Variants in IL1RL2 observed in about 807,000 individuals in gnomAD.
IL1RL2 encodes interleukin 1 receptor like 2, also known as interleukin-1 receptor-like 2.
A neutral mutation model predicts 66.8 loss-of-function variants in IL1RL2; 68 were observed. That is an observed-to-expected ratio of 1.02 (90% CI 0.84 to 1.25). The LOEUF (loss-of-function observed/expected upper bound fraction) is 1.25, where lower values mean the gene tolerates loss of function less well. Among genes scored for constraint, IL1RL2 ranks in the 50% most tolerant of loss-of-function variants. The pLI, the probability that IL1RL2 is intolerant of heterozygous loss-of-function variation, is 0.00. For missense variants in IL1RL2, 729 were observed against 709.3 expected (o/e 1.03, Z -0.32); for synonymous variants, 305 against 264.6 (o/e 1.15, Z -1.48).
chr2:102,235,503 C>T, intron 11 of IL1RL2: 1 of 985,452 alleles, frequency 1.0e-6, no homozygotes, highest in Non-Finnish European at 1.2e-6. Flanking sequence ...CCTCTTTAGC[C>T]TATGGGCTTA....
At chr2:102,215,784 G>T (rs1159251892) in intron 6 of IL1RL2, among the ~76,000 whole-genome samples, 1 of 152,094 alleles carries the variant, frequency 6.6e-6, no homozygotes, top group Non-Finnish European at 1.5e-5. Context: ...TGAAGAAACT[G>T]CATGAAGACT....
chr2:102,187,816 C>A, intron 1 of IL1RL2, 40 bp from the exon 2 acceptor site: 16 of 1,490,630 alleles, frequency 1.1e-5, no homozygotes, highest in Non-Finnish European at 1.5e-5. Context: ...GCCCGCCCTA[C>A]TGCGTCCTCC....
intron 4 of IL1RL2, among the ~76,000 whole-genome samples, chr2:102,196,019 GC>G (rs1401689671): frequency 6.6e-5 from 10 of 152,024 alleles, no homozygotes; most frequent in African/African-American, 2.4e-4. Flanking sequence ...GGGCCCTTAT[GC>G]TTGTTAATTA....
intron 4 of IL1RL2, among the ~76,000 whole-genome samples, chr2:102,193,901 G>A (rs565211341): frequency 6.6e-6 from 1 of 151,806 alleles, no homozygotes; most frequent in South Asian, 2.1e-4. Context: ...GTGACTTATA[G>A]GAGATTTTAT....
chr2:102,209,256 G>A (rs1688954238), intron 5 of IL1RL2, among the ~76,000 whole-genome samples: 10 of 152,182 alleles, frequency 6.6e-5, no homozygotes, highest in Admixed American at 6.5e-4. Flanking sequence ...GTCAGACATG[G>A]TGATGGTGAA....
At chr2:102,230,272 T>A (rs11123914) in intron 9 of IL1RL2, among the ~76,000 whole-genome samples, 1 of 152,298 alleles carries the variant, frequency 6.6e-6, no homozygotes, top group African/African-American at 2.4e-5. Flanking sequence ...TTTCTATCTA[T>A]GGAAAAAAAA....
At chr2:102,207,000 A>G (rs753116862) in intron 5 of IL1RL2, among the ~76,000 whole-genome samples, 1 of 152,318 alleles carries the variant, frequency 6.6e-6, no homozygotes, top group African/African-American at 2.4e-5. Context: ...CCAAAGGCAG[A>G]GGAGCCTCAG....
chr2:102,212,162 GA>G lies in IL1RL2; in HGVS notation c.714del (p.Val239TyrfsTer7). ...CATTTATCCAAAAAATCATTCAATTGAAGTACAGCTTGGTGAGTAAAATTAT... is the reference window on the plus strand; with the variant it reads ...CATTTATCCAAAAAATCATTCAATTGAGTACAGCTTGGTGAGTAAAATTAT... The part of the protein sequence containing the change: ...KIIYPKNHSI[E>X]VQLGTTLIVD... On this transcript the variant is annotated frameshift_variant, in exon 6 of 12. Coordinates refer to ENST00000264257, the MANE Select transcript of IL1RL2 (RefSeq NM_003854.4). LOFTEE classifies it high-confidence loss of function. The G allele has an allele frequency of 6.2e-7, 1 of 1,610,470 alleles. No individual in the cohort carries two copies. Among genetic ancestry groups the G allele is most frequent in the Non-Finnish European group, 8.5e-7 (1 of 1,176,798 alleles).
intron 9 of IL1RL2, among the ~76,000 whole-genome samples, chr2:102,228,481 T>A (rs1224204656): frequency 6.6e-6 from 1 of 152,240 alleles, no homozygotes; most frequent in East Asian, 1.9e-4. Flanking sequence ...CAGCAAGTTC[T>A]GTATCTTCTC....
chr2:102,223,214 T>C (rs987727845), intron 8 of IL1RL2, among the ~76,000 whole-genome samples: 1 of 152,214 alleles, frequency 6.6e-6, no homozygotes, highest in Admixed American at 6.5e-5. Context: ...TCCTAGGAAC[T>C]TCACCCTTTT....
intron 5 of IL1RL2, among the ~76,000 whole-genome samples, chr2:102,202,863 C>T (rs1688385532): frequency 2.0e-5 from 3 of 152,102 alleles, no homozygotes; most frequent in African/African-American, 7.2e-5. Context: ...AATTTGGATG[C>T]CGTTTATATC....
Position 102,235,191 on chromosome 2 carries a change from C to T in IL1RL2, c.1592C>T (p.Thr531Ile). 1 of 1,614,200 alleles carries T rather than the reference C, an allele frequency of 6.2e-7. No individual in the cohort carries two copies. Among genetic ancestry groups the T allele is most frequent in the Non-Finnish European group, 8.5e-7 (1 of 1,180,042 alleles). ...TGTATGAAGACCAAGTTTTGGAAGA[C>T]AGTGAGATACCACATGCCGCCCAGA... The part of the protein sequence containing the change: ...SQCMKTKFWK[T>I]VRYHMPPRRC... The change falls in exon 11 of 12, where the codon ACA (threonine) becomes ATA (isoleucine). Residue 531 changes from threonine to isoleucine, a missense_variant. Coordinates refer to ENST00000264257, the MANE Select transcript of IL1RL2 (RefSeq NM_003854.4).
intron 8 of IL1RL2, among the ~76,000 whole-genome samples, chr2:102,223,331 T>G (rs572208515): frequency 6.6e-6 from 1 of 152,302 alleles, no homozygotes; most frequent in East Asian, 1.9e-4. Context: ...GAATCTTATT[T>G]GGTTTTTCTG....
At chr2:102,216,177 T>A (rs761172972) in intron 6 of IL1RL2, among the ~76,000 whole-genome samples, 3 of 152,146 alleles carry the variant, frequency 2.0e-5, no homozygotes, top group Non-Finnish European at 4.4e-5. Context: ...AATAAGAAAT[T>A]CAACAGATAG....
intron 5 of IL1RL2, among the ~76,000 whole-genome samples, chr2:102,209,189 T>G (rs1471166544): frequency 6.6e-6 from 1 of 152,224 alleles, no homozygotes; most frequent in Non-Finnish European, 1.5e-5. Context: ...ATGCCAGTAT[T>G]ATGGAAGGTC....
chr2:102,191,990 C>A lies in IL1RL2; in HGVS notation c.359C>A (p.Thr120Asn). ...GTTTTTGAAAAACATTGGTGTGACACTTCCATAGGTGGTTTACCAAATTTA... is the reference window on the plus strand; with the variant it reads ...GTTTTTGAAAAACATTGGTGTGACAATTCCATAGGTGGTTTACCAAATTTA... ...LTVFEKHWCD[T>N]SIGGLPNLSD... Residue 120 changes from threonine (T) to asparagine (N), a missense_variant, in exon 4 of 12, where the codon ACT becomes AAT. Physicochemically the swap from Thr to Asn is moderately conservative, Grantham distance 65. Coordinates refer to ENST00000264257, the MANE Select transcript of IL1RL2 (RefSeq NM_003854.4). 6.2e-7 allele frequency: 1 copy of A among 1,612,500 alleles called. No individual in the cohort carries two copies.
chr2:102,187,435 C>T (rs1195192408), intron 1 of IL1RL2: 1 of 1,070,516 alleles, frequency 9.3e-7, no homozygotes, highest in African/African-American at 1.7e-5. Flanking sequence ...CACAGGCGCG[C>T]AGGGGAGGCT....
chr2:102,212,544 G>C (rs1445492214), intron 6 of IL1RL2, among the ~76,000 whole-genome samples: 1 of 152,050 alleles, frequency 6.6e-6, no homozygotes, highest in Non-Finnish European at 1.5e-5. Context: ...CACAATGCAA[G>C]ATATATTACA....
At chr2:102,195,621 C>CTT (rs1178579375) in intron 4 of IL1RL2, among the ~76,000 whole-genome samples, 10 of 17,578 alleles carry the variant, frequency 5.7e-4, no homozygotes, top group African/African-American at 1.2e-3. Context: ...TTCTTTCTTT[C>CTT]TTTCTTTCTC....
Sources: allele counts gnomAD v4.1 joint callset (sites outside exome capture counted in the v4.1 genomes callset), GRCh38; gene constraint gnomAD v4.1.1; transcripts MANE v1.5; gene names NCBI Gene and HGNC (gene_info 2026-07-23, HGNC 2026-07-21).